The following ARHGAP15 variants were observed in gnomAD, a reference collection of about 807,000 sequenced individuals.
The protein encoded by ARHGAP15 is rho GTPase-activating protein 15.
A neutral mutation model predicts 63.7 loss-of-function variants in ARHGAP15; 51 were observed. That is an observed-to-expected ratio of 0.80 (90% CI 0.64 to 1.01). The LOEUF (loss-of-function observed/expected upper bound fraction) is 1.01, where lower values mean the gene tolerates loss of function less well. ARHGAP15 is among the 50% of genes least tolerant of loss of function. The pLI, the probability that ARHGAP15 is intolerant of heterozygous loss-of-function variation, is 0.00. For synonymous variants in ARHGAP15, 191 were observed against 193.8 expected (o/e 0.99, Z 0.12); for missense variants, 560 against 564.6 (o/e 0.99, Z 0.08).
chr2:143,644,061 G>T (rs191955502), intron 12 of ARHGAP15, among the ~76,000 whole-genome samples: 59 of 152,168 alleles, frequency 3.9e-4, no homozygotes, highest in African/African-American at 1.4e-3. Context: ...ACAAAAGAAA[G>T]ATTAGTAAGG....
intron 11 of ARHGAP15, among the ~76,000 whole-genome samples, chr2:143,561,534 C>CG (rs1696025665): frequency 6.9e-6 from 1 of 145,866 alleles, no homozygotes; most frequent in Non-Finnish European, 1.5e-5. Context: ...TTTTTTGAGA[C>CG]GGAGTCTCGG....
intron 6 of ARHGAP15, among the ~76,000 whole-genome samples, chr2:143,345,644 A>AT (rs1015578860): frequency 3.6e-4 from 55 of 152,096 alleles, no homozygotes; most frequent in Middle Eastern, 3.4e-3. Flanking sequence ...AGTTTCTTTC[A>AT]TTTTTTTGCA....
chr2:143,521,671 TG>T (rs1389725615), intron 10 of ARHGAP15, among the ~76,000 whole-genome samples: 1 of 152,122 alleles, frequency 6.6e-6, no homozygotes, highest in African/African-American at 2.4e-5. Context: ...GGACCAGTTA[TG>T]GGAAAGGAAC....
At chr2:143,669,687 T>C (rs536038304) in intron 12 of ARHGAP15, among the ~76,000 whole-genome samples, 2 of 152,274 alleles carry the variant, frequency 1.3e-5, no homozygotes, top group Non-Finnish European at 1.5e-5. Flanking sequence ...ATTACCTAAT[T>C]AGGTTTCAAC....
intron 10 of ARHGAP15, among the ~76,000 whole-genome samples, chr2:143,531,127 C>CGTGCGTGTGTGTGCAT (rs58887426): frequency 3.3e-5 from 5 of 151,880 alleles, no homozygotes; most frequent in South Asian, 2.1e-4. Context: ...TGTGTGTGCG[C>CGTGCGTGTGTGTGCAT]GCATGTGTGT....
chr2:143,318,062 G>C (rs1683806138), intron 6 of ARHGAP15, among the ~76,000 whole-genome samples: 1 of 151,572 alleles, frequency 6.6e-6, no homozygotes, highest in East Asian at 1.9e-4. Context: ...GCAGCGGTGT[G>C]ATCTCAGCTC....
intron 6 of ARHGAP15, among the ~76,000 whole-genome samples, chr2:143,349,469 A>G (rs1458754495): frequency 1.3e-5 from 2 of 152,192 alleles, no homozygotes; most frequent in Non-Finnish European, 2.9e-5. Context: ...TAATGCAGTC[A>G]TTTAGCTTGT....
intron 10 of ARHGAP15, among the ~76,000 whole-genome samples, chr2:143,540,590 A>G (rs1443223944): frequency 1.3e-5 from 2 of 152,166 alleles, no homozygotes; most frequent in Non-Finnish European, 2.9e-5. Context: ...AAAATCTCTC[A>G]GCATTTGCTT....
intron 6 of ARHGAP15, among the ~76,000 whole-genome samples, chr2:143,270,280 A>G (rs1681208258): frequency 6.6e-6 from 1 of 152,172 alleles, no homozygotes. Context: ...ATTTGATTTT[A>G]ACTTTGCTTA....
chr2:143,269,304 A>T (rs1468216852), intron 6 of ARHGAP15, among the ~76,000 whole-genome samples: 1 of 152,126 alleles, frequency 6.6e-6, no homozygotes, highest in Non-Finnish European at 1.5e-5. Flanking sequence ...ATGAGGTTGA[A>T]TTTTTGCCAT....
At chr2:143,290,812 G>T (rs1029529549) in intron 6 of ARHGAP15, among the ~76,000 whole-genome samples, 84 of 152,120 alleles carry the variant, frequency 5.5e-4, no homozygotes, top group Admixed American at 2.6e-3. Context: ...GGATACAAAA[G>T]AGATTTAGAA....
At chr2:143,396,739 G>A (rs901055806) in intron 6 of ARHGAP15, among the ~76,000 whole-genome samples, 2 of 151,704 alleles carry the variant, frequency 1.3e-5, no homozygotes, top group Non-Finnish European at 1.5e-5. Context: ...TCATCTAGAT[G>A]CACATTGAGG....
chr2:143,413,966 T>TGCGCGCGCGCGCGCGCGCGCGC (rs1553476592), intron 6 of ARHGAP15, among the ~76,000 whole-genome samples: 11 of 117,910 alleles, frequency 9.3e-5, no homozygotes, highest in Admixed American at 1.8e-4. Context: ...TGTGTGTGTG[T>TGCGCGCGCGCGCGCGCGCGCGC]GCGCGCTCTC....
At chr2:143,364,345 G>T (rs1686203073) in intron 6 of ARHGAP15, among the ~76,000 whole-genome samples, 1 of 151,988 alleles carries the variant, frequency 6.6e-6, no homozygotes, top group Non-Finnish European at 1.5e-5. Context: ...AGTTTTACTT[G>T]GAAATTATTT....
intron 13 of ARHGAP15, among the ~76,000 whole-genome samples, chr2:143,764,451 A>C (rs1399421932): frequency 6.6e-6 from 1 of 152,046 alleles, no homozygotes; most frequent in African/African-American, 2.4e-5. Flanking sequence ...ACTCCCCCAC[A>C]TTTGGCCCTG....
At chr2:143,145,939 C>T (rs185695067) in intron 1 of ARHGAP15, among the ~76,000 whole-genome samples, 64 of 151,040 alleles carry the variant, frequency 4.2e-4, no homozygotes, top group African/African-American at 1.5e-3. Context: ...ATATATCTCA[C>T]ACCAAACACA....
intron 4 of ARHGAP15, among the ~76,000 whole-genome samples, chr2:143,220,932 T>C (rs1157472962): frequency 6.6e-6 from 1 of 152,176 alleles, no homozygotes; most frequent in Non-Finnish European, 1.5e-5. Context: ...ATTGTATAAA[T>C]GGAGAAACTC....
chr2:143,421,800 A>ATG (rs60882246), intron 6 of ARHGAP15, among the ~76,000 whole-genome samples: 523 of 14,330 alleles, frequency 0.036, 1 homozygote, highest in African/African-American at 0.094. Context: ...ATATATATAT[A>ATG]TGTGTGTGTT....
At chr2:143,653,276 G>GAA (rs1296962271) in intron 12 of ARHGAP15, among the ~76,000 whole-genome samples, 3 of 151,878 alleles carry the variant, frequency 2.0e-5, no homozygotes, top group Admixed American at 2.0e-4. Context: ...ATTTTCTTTA[G>GAA]AATTTTCATA....
Sources: gnomAD v4.1 joint callset for allele counts (sites outside exome capture counted in the v4.1 genomes callset) on GRCh38, gnomAD v4.1.1 for gene constraint, MANE v1.5 for transcripts, NCBI Gene and HGNC (gene_info 2026-07-23, HGNC 2026-07-21) for gene names.